Variants in GABBR2 observed in about 807,000 individuals in gnomAD.
GABBR2 encodes gamma-aminobutyric acid type B receptor subunit 2, also known as G-protein coupled receptor 51.
In GABBR2, 23 loss-of-function variants were observed where a neutral mutation model predicts 105.6. That is an observed-to-expected ratio of 0.22 (90% CI 0.16 to 0.31). GABBR2 has a LOEUF of 0.31. Ranked by LOEUF, GABBR2 falls within the 10% of genes least tolerant of loss-of-function variation. The pLI is 1.00. For synonymous variants in GABBR2, 478 were observed against 499.7 expected (o/e 0.96, Z 0.58); for missense variants, 734 against 1,245.5 (o/e 0.59, Z 6.18).
intron 16 of GABBR2, among the ~76,000 whole-genome samples, chr9:98,302,008 T>C (rs1830477508): frequency 6.6e-6 from 1 of 152,238 alleles, no homozygotes; most frequent in Non-Finnish European, 1.5e-5. Context: ...TTTCAGATAA[T>C]GGGTTCTTTT....
At chr9:98,428,782 GGT>G (rs1825744789) in intron 7 of GABBR2, among the ~76,000 whole-genome samples, 1 of 152,126 alleles carries the variant, frequency 6.6e-6, no homozygotes, top group South Asian at 2.1e-4. Context: ...TGCTGGACTT[GGT>G]GCTGACATGA....
intron 13 of GABBR2, among the ~76,000 whole-genome samples, chr9:98,339,788 C>T (rs1232681763): frequency 6.6e-6 from 1 of 152,232 alleles, no homozygotes; most frequent in African/African-American, 2.4e-5. Context: ...CTCCCTCCCC[C>T]TGTATTCTCA....
chr9:98,405,749 T>C (rs559697550), intron 8 of GABBR2, among the ~76,000 whole-genome samples: 78 of 152,338 alleles, frequency 5.1e-4, no homozygotes, highest in African/African-American at 1.8e-3. Context: ...TTATACTCTA[T>C]TGTTTAGGGA....
At chr9:98,534,864 G>A (rs995307138) in intron 3 of GABBR2, among the ~76,000 whole-genome samples, 2 of 152,214 alleles carry the variant, frequency 1.3e-5, no homozygotes, top group Non-Finnish European at 2.9e-5. Flanking sequence ...ATCCAGCAAT[G>A]GAGCTTCTTG....
chr9:98,416,333 A>C (rs1378764180), intron 7 of GABBR2, among the ~76,000 whole-genome samples: 1 of 152,202 alleles, frequency 6.6e-6, no homozygotes, highest in Non-Finnish European at 1.5e-5. Flanking sequence ...ACAAGCGAGG[A>C]GGCCACAAAT....
chr9:98,666,974 A>G (rs1187928747), intron 1 of GABBR2, among the ~76,000 whole-genome samples: 1 of 152,128 alleles, frequency 6.6e-6, no homozygotes, highest in African/African-American at 2.4e-5. Flanking sequence ...CAGGTGATCC[A>G]CTGGGATAGT....
rs1251413073 is a variant in GABBR2 at position 98,581,963 on chromosome 9, A to G, written c.322-3891T>C. Among the ~76,000 whole-genome samples the G allele has an allele frequency of 8.5e-5, 13 of 152,254 alleles. 1 individual carries two copies. The highest frequency in any genetic ancestry group is 8.5e-4 in the Admixed American group (13 of 15,292). ...AACACTGGGATATGTCAACTAAAAT[A>G]TCTGAGACTATTTGACAACCAGTAT... is the stretch of plus-strand genomic sequence containing the variant. On this transcript the variant is annotated intron_variant, in intron 1 of 18. Coordinates refer to ENST00000259455, the MANE Select transcript of GABBR2 (RefSeq NM_005458.8).
At chr9:98,338,091 C>T (rs899140833) in intron 13 of GABBR2, among the ~76,000 whole-genome samples, 10 of 152,152 alleles carry the variant, frequency 6.6e-5, no homozygotes, top group African/African-American at 2.4e-4. Flanking sequence ...TAATTTGGAT[C>T]ACTACCTCAT....
At chr9:98,361,668 A>T (rs1208002230) in intron 13 of GABBR2, among the ~76,000 whole-genome samples, 1 of 152,210 alleles carries the variant, frequency 6.6e-6, no homozygotes, top group East Asian at 1.9e-4. Context: ...GCCCGTGGGC[A>T]GAGCCAGTGT....
intron 3 of GABBR2, among the ~76,000 whole-genome samples, chr9:98,513,901 T>C (rs1200179168): frequency 1.3e-5 from 2 of 152,348 alleles, no homozygotes; most frequent in Admixed American, 1.3e-4. Context: ...GCCATCCTAT[T>C]ACTGGGTATA....
At chr9:98,340,408 CTG>C (rs1193335443) in intron 13 of GABBR2, among the ~76,000 whole-genome samples, 1 of 151,786 alleles carries the variant, frequency 6.6e-6, no homozygotes, top group African/African-American at 2.4e-5. Flanking sequence ...ACAATCTATT[CTG>C]TGTGTGTGTT....
intron 1 of GABBR2, among the ~76,000 whole-genome samples, chr9:98,596,116 C>G (rs1829230782): frequency 6.6e-6 from 1 of 152,266 alleles, no homozygotes; most frequent in Non-Finnish European, 1.5e-5. Context: ...CTGGCTTGAG[C>G]CAGGTGTCTG....
intron 13 of GABBR2, among the ~76,000 whole-genome samples, chr9:98,312,803 G>C (rs531171881): frequency 1.3e-5 from 2 of 152,242 alleles, no homozygotes; most frequent in African/African-American, 2.4e-5. Context: ...AGGCTGGAGT[G>C]CAATGTCGTG....
At chr9:98,452,487 T>C (rs1033537522) in intron 7 of GABBR2, among the ~76,000 whole-genome samples, 1 of 152,242 alleles carries the variant, frequency 6.6e-6, no homozygotes, top group African/African-American at 2.4e-5. Flanking sequence ...TTAAATGCTC[T>C]GAGTTCCAGG....
At chr9:98,669,568 ATC>A (rs1218389164) in intron 1 of GABBR2, among the ~76,000 whole-genome samples, 3 of 152,152 alleles carry the variant, frequency 2.0e-5, no homozygotes, top group Non-Finnish European at 4.4e-5. Flanking sequence ...CTGACTGGCT[ATC>A]TCTTTTTGGT....
At chr9:98,547,625 A>T (rs1828422897) in intron 2 of GABBR2, among the ~76,000 whole-genome samples, 1 of 120,418 alleles carries the variant, frequency 8.3e-6, no homozygotes, top group African/African-American at 2.7e-5. Context: ...AGCTTTCACT[A>T]TTTTCTGGTA....
chr9:98,290,031 T>A lies in GABBR2; in HGVS notation c.*553A>T, dbSNP rs1426139423. ...GCTCCAGGGCTGTGCCTGTCTGCGC[T>A]CCTGCAGACTCCCTGTTCCAGGAAG... On this transcript the variant is annotated 3_prime_UTR_variant, in exon 19 of 19. Transcript: ENST00000259455. 1 of 152,360 alleles carries A rather than the reference T, an allele frequency of 6.6e-6. No homozygotes were observed. Among genetic ancestry groups the A allele is most frequent in the Non-Finnish European group, 1.5e-5 (1 of 68,140 alleles). The allele number at this position is 152,360 out of a possible 1,614,324, so 9.4% of individuals were successfully genotyped here.
At chr9:98,436,373 A>ACACACACAC (rs1825920102) in intron 7 of GABBR2, among the ~76,000 whole-genome samples, 3 of 38,738 alleles carry the variant, frequency 7.7e-5, no homozygotes, top group African/African-American at 1.5e-4. Context: ...ATATATATAT[A>ACACACACAC]TATATATATA....
chr9:98,393,029 CCCATCCATCCAT>C (rs71369559), intron 9 of GABBR2, among the ~76,000 whole-genome samples: 24,126 of 122,628 alleles, frequency 0.2, 2,532 homozygotes, highest in East Asian at 0.29. Flanking sequence ...CATGCATCCA[CCCATCCATCCAT>C]CCATCCATCC....
Sources: allele counts gnomAD v4.1 joint callset (sites outside exome capture counted in the v4.1 genomes callset), GRCh38; gene constraint gnomAD v4.1.1; transcripts MANE v1.5; gene names NCBI Gene and HGNC (gene_info 2026-07-23, HGNC 2026-07-21).